CYTH3: variants seen among roughly 807,000 people sequenced by gnomAD.
CYTH3 encodes the protein cytohesin 3, also known as cytohesin-3.
Under a neutral mutation model 55.1 loss-of-function variants are expected in CYTH3, and 23 were observed. The observed-to-expected ratio is 0.42, with a 90% confidence interval of 0.30 to 0.59. CYTH3 has a LOEUF of 0.59. Among genes scored for constraint, CYTH3 ranks in the 20% least tolerant of loss-of-function variants. The pLI, the probability that CYTH3 is intolerant of heterozygous loss-of-function variation, is 0.20. For missense variants in CYTH3, 413 were observed against 524.8 expected (o/e 0.79, Z 2.08); for synonymous variants, 249 against 194.9 (o/e 1.28, Z -2.31).
At chr7:6,264,515 G>T (rs75032210) in intron 1 of CYTH3, among the ~76,000 whole-genome samples, 5 of 152,144 alleles carry the variant, frequency 3.3e-5, no homozygotes, top group Non-Finnish European at 7.3e-5. Flanking sequence ...GGAAGGCTGA[G>T]GCAGAAGAAT....
intron 1 of CYTH3, among the ~76,000 whole-genome samples, chr7:6,258,140 T>C (rs1780177539): frequency 1.3e-5 from 2 of 151,020 alleles, no homozygotes; most frequent in African/African-American, 5.0e-5. Flanking sequence ...TTTGGTTTGC[T>C]TTTTCTTTTT....
chr7:6,219,644 G>A (rs897797822), intron 1 of CYTH3, among the ~76,000 whole-genome samples: 2 of 152,190 alleles, frequency 1.3e-5, no homozygotes, highest in African/African-American at 4.8e-5. Context: ...GCACAGGTAA[G>A]ATCTATGGAG....
chr7:6,173,280 T>A (rs17136058), intron 6 of CYTH3, among the ~76,000 whole-genome samples: 11,662 of 152,194 alleles, frequency 0.077, 886 homozygotes, highest in East Asian at 0.4. Flanking sequence ...CAGGTATCCA[T>A]GCGTTTGGTG....
chr7:6,262,414 C>T (rs968415585), intron 1 of CYTH3, among the ~76,000 whole-genome samples: 2 of 152,156 alleles, frequency 1.3e-5, no homozygotes, highest in Non-Finnish European at 2.9e-5. Context: ...TCTGGACACA[C>T]CACATAACAG....
intron 1 of CYTH3, among the ~76,000 whole-genome samples, chr7:6,206,049 AAC>A (rs374654401): frequency 2.0e-4 from 31 of 152,304 alleles, no homozygotes; most frequent in African/African-American, 5.5e-4. Flanking sequence ...CACTTAGAAA[AAC>A]AGTTTGGCAG....
intron 1 of CYTH3, among the ~76,000 whole-genome samples, chr7:6,241,221 A>G (rs534965731): frequency 4.6e-5 from 7 of 152,358 alleles, no homozygotes; most frequent in Admixed American, 2.0e-4. Context: ...GAGTCAAAAG[A>G]GAAATGGTGA....
chr7:6,228,549 C>G (rs562150136), intron 1 of CYTH3, among the ~76,000 whole-genome samples: 9 of 152,152 alleles, frequency 5.9e-5, no homozygotes, highest in African/African-American at 1.7e-4. Flanking sequence ...AAACTCCCCC[C>G]AGATGACCTT....
intron 1 of CYTH3, among the ~76,000 whole-genome samples, chr7:6,240,197 T>C (rs765749992): frequency 6.8e-6 from 1 of 147,026 alleles, no homozygotes; most frequent in South Asian, 2.1e-4. Flanking sequence ...TCCCAGCTAC[T>C]CAGAAGGCTG....
chr7:6,174,570 CAG>C (rs368520586), intron 5 of CYTH3, among the ~76,000 whole-genome samples: 1,710 of 110,982 alleles, frequency 0.015, 22 homozygotes, highest in Middle Eastern at 0.1. Flanking sequence ...TTTTTCCAGA[CAG>C]AGTCTCGCTC....
intron 1 of CYTH3, among the ~76,000 whole-genome samples, chr7:6,233,268 A>T (rs977917942): frequency 3.3e-5 from 5 of 152,164 alleles, no homozygotes; most frequent in African/African-American, 1.2e-4. Context: ...TATCCTCTAC[A>T]CACTGTTTCT....
intron 1 of CYTH3, among the ~76,000 whole-genome samples, chr7:6,201,289 C>T (rs918618381): frequency 2.6e-5 from 4 of 152,152 alleles, no homozygotes; most frequent in Admixed American, 6.5e-5. Context: ...AGTGGCATGC[C>T]GCAGCTAGCC....
chr7:6,254,847 A>T (rs1025508747), intron 1 of CYTH3, among the ~76,000 whole-genome samples: 1 of 152,212 alleles, frequency 6.6e-6, no homozygotes, highest in Non-Finnish European at 1.5e-5. Context: ...GCAGCTGGTG[A>T]ATTTAGGTGA....
At chr7:6,214,229 G>C (rs55763397) in intron 1 of CYTH3, among the ~76,000 whole-genome samples, 170 of 152,296 alleles carry the variant, frequency 1.1e-3, no homozygotes, top group Middle Eastern at 3.4e-3. Context: ...GTGGAGCCTA[G>C]GTGGGGGGTT....
At chr7:6,233,655 C>CAAA (rs557639314) in intron 1 of CYTH3, among the ~76,000 whole-genome samples, 1 of 79,594 alleles carries the variant, frequency 1.3e-5, no homozygotes, top group Non-Finnish European at 3.1e-5. Context: ...GACTCCATCT[C>CAAA]AAAAAAAAAA....
chr7:6,235,553 C>G (rs552555115), intron 1 of CYTH3, among the ~76,000 whole-genome samples: 4 of 152,150 alleles, frequency 2.6e-5, no homozygotes, highest in East Asian at 1.9e-4. Flanking sequence ...AGCATCCTCA[C>G]GAAGCTCCCT....
intron 4 of CYTH3, among the ~76,000 whole-genome samples, chr7:6,181,679 G>T (rs1006083229): frequency 1.3e-5 from 2 of 152,142 alleles, no homozygotes; most frequent in Admixed American, 1.3e-4. Context: ...AATATTCCAA[G>T]ATTTCTTTGA....
At chr7:6,192,030 T>A (rs1395785090) in intron 1 of CYTH3, among the ~76,000 whole-genome samples, 2 of 151,976 alleles carry the variant, frequency 1.3e-5, no homozygotes, top group Non-Finnish European at 2.9e-5. Context: ...CAGTGAGCTA[T>A]GATCATGACT....
At position 6,162,523 on chromosome 7, in the gene CYTH3, C is replaced by T. The variant is rs987205594; in HGVS notation, c.*2421G>A. On this transcript the variant is annotated 3_prime_UTR_variant, in exon 13 of 13. Coordinates refer to ENST00000350796, the MANE Select transcript of CYTH3 (RefSeq NM_004227.4). ...AGGGCCGTCCTGGTAGCGGCTGGCCCTGCGCAGTCACTGACCCAGAGTTTT... is the reference window on the plus strand; with the variant it reads ...AGGGCCGTCCTGGTAGCGGCTGGCCTTGCGCAGTCACTGACCCAGAGTTTT... 1.3e-5 allele frequency: 2 copies of T among 152,266 alleles called. No individual in the cohort carries two copies. Among genetic ancestry groups the T allele is most frequent in the Admixed American group, 6.5e-5 (1 of 15,288 alleles). 9.4% of individuals were successfully genotyped at this position (152,266 alleles called of 1,614,324 possible). A position where few individuals can be genotyped will look rare whatever the true frequency, so the allele number is the denominator to read the frequency against.
intron 1 of CYTH3, among the ~76,000 whole-genome samples, chr7:6,224,740 AACAAGTATGTGTAC>A (rs1779197251): frequency 6.6e-6 from 1 of 152,230 alleles, no homozygotes. Flanking sequence ...CAGGTATCCA[AACAAGTATGTGTAC>A]ACGAATGTTC....
Sources: gnomAD v4.1 joint callset for allele counts (sites outside exome capture counted in the v4.1 genomes callset) on GRCh38, gnomAD v4.1.1 for gene constraint, MANE v1.5 for transcripts, NCBI Gene and HGNC (gene_info 2026-07-23, HGNC 2026-07-21) for gene names.